SEC14L1: variants seen among roughly 807,000 people sequenced by gnomAD.
The protein encoded by SEC14L1 is SEC14-like protein 1.
In SEC14L1, 48 loss-of-function variants were observed where a neutral mutation model predicts 85.3. The ratio of observed to expected loss-of-function variants is 0.56; its 90% confidence interval spans 0.45 to 0.72. SEC14L1 has a LOEUF of 0.72. SEC14L1 is among the 30% of genes least tolerant of loss of function. The pLI is 0.00. For missense variants in SEC14L1, 682 were observed against 921.4 expected (o/e 0.74, Z 3.36); for synonymous variants, 391 against 355.5 (o/e 1.10, Z -1.12).
intron 3 of SEC14L1, among the ~76,000 whole-genome samples, chr17:77,167,035 C>G (rs1974312258): frequency 6.6e-6 from 1 of 152,126 alleles, no homozygotes; most frequent in Admixed American, 6.5e-5. Flanking sequence ...TTCATGTGTC[C>G]TCAGCCCTGT....
chr17:77,171,525 A>G (rs62078333), intron 3 of SEC14L1, among the ~76,000 whole-genome samples: 22,108 of 152,134 alleles, frequency 0.15, 1,961 homozygotes, highest in Middle Eastern at 0.21. Flanking sequence ...AACAACAGCT[A>G]TTTGTTCTGG....
chr17:77,183,708 G>A (rs145656282), intron 3 of SEC14L1, among the ~76,000 whole-genome samples: 2,275 of 152,306 alleles, frequency 0.015, 32 homozygotes, highest in Admixed American at 0.028. Flanking sequence ...TTCCCCAGAT[G>A]TTTCGATAGC....
intron 9 of SEC14L1, among the ~76,000 whole-genome samples, chr17:77,202,936 T>TAAAAAAAAA (rs11349959): frequency 6.0e-5 from 8 of 133,962 alleles, no homozygotes; most frequent in African/African-American, 1.7e-4. Context: ...AATAAAAAAA[T>TAAAAAAAAA]AAAAAAAAAA....
In SEC14L1 at chr17:77,193,440, A is replaced by T; in HGVS notation, c.365A>T (p.Asp122Val). The T allele has an allele frequency of 6.2e-7, 1 of 1,606,536 alleles. No homozygotes were observed. Among genetic ancestry groups the T allele is most frequent in the Non-Finnish European group, 8.5e-7 (1 of 1,174,634 alleles). Residue 122 changes from aspartate to valine, a missense_variant, in exon 6 of 17, where the codon GAT becomes GTT. Physicochemically the swap from Asp to Val is radical, Grantham distance 152. This residue lies in a region of SEC14L1 where 139 missense variants were observed against 201.3 expected (regional missense o/e 0.69). Coordinates refer to ENST00000436233, the MANE Select transcript of SEC14L1 (RefSeq NM_001143998.2). ...CCYTVHPENE[D>V]WTCFEQSASL... ...CTGCAGGTTCACCCTGAAAATGAAG[A>T]TTGGACCTGTTTTGAACAGTCTGCA...
At chr17:77,209,554 C>G in intron 14 of SEC14L1, 78 bp downstream of exon 14, 2 of 1,504,158 alleles carry the variant, frequency 1.3e-6, no homozygotes, top group Non-Finnish European at 1.8e-6. Flanking sequence ...TTCCTGGCAG[C>G]CTTTCATTCA....
intron 3 of SEC14L1, among the ~76,000 whole-genome samples, chr17:77,160,432 T>C (rs193006936): frequency 5.3e-5 from 8 of 152,350 alleles, no homozygotes; most frequent in Non-Finnish European, 7.3e-5. Context: ...AGATTAGGAA[T>C]GGTTTTTGAA....
chr17:77,132,226 ATTTT>A (rs1333203539), intron 3 of SEC14L1, among the ~76,000 whole-genome samples: 5 of 133,374 alleles, frequency 3.7e-5, no homozygotes, highest in Admixed American at 7.6e-5. Context: ...TCTGCATGGA[ATTTT>A]TTTTTTTTTT....
In SEC14L1 at chr17:77,206,760, G is replaced by A. The variant is rs777566344; in HGVS notation, c.1374G>A (p.Arg458=). The change falls in exon 13 of 17, where the codon AGG becomes AGA. Residue 458 remains arginine (R), a synonymous_variant. Transcript: ENST00000436233. The surrounding 1 kb of genome is among the most constrained non-coding windows in gnomAD (Gnocchi z 4.3). Reference sequence around the variant, plus strand: ...CGTTCATTGATGACAACACCAGAAGGAAGTTCCTCATTTATGCAGGAAATG... The same window carrying A: ...CGTTCATTGATGACAACACCAGAAGAAAGTTCCTCATTTATGCAGGAAATG... ...VSPFIDDNTR[R]KFLIYAGNDY... is the part of the protein sequence containing the mutation. 5 of 1,612,262 alleles carry A rather than the reference G, an allele frequency of 3.1e-6. No individual in the cohort carries two copies. The highest frequency in any genetic ancestry group is 3.3e-4 in the Middle Eastern group (2 of 6,056).
intron 9 of SEC14L1, among the ~76,000 whole-genome samples, chr17:77,201,350 G>A (rs1311785038): frequency 3.9e-5 from 6 of 152,116 alleles, no homozygotes; most frequent in Non-Finnish European, 8.8e-5. Context: ...TTTACCCTCT[G>A]AACAAGTCCT....
At chr17:77,095,228 G>A (rs1465796208) in intron 3 of SEC14L1, among the ~76,000 whole-genome samples, 1 of 152,192 alleles carries the variant, frequency 6.6e-6, no homozygotes, top group Non-Finnish European at 1.5e-5. Context: ...GGACAGAGCT[G>A]TTGATACTTA....
chr17:77,140,700 G>A (rs1214554984), upstream of SEC14L1: 1 of 149,394 alleles, frequency 6.7e-6, no homozygotes, highest in Non-Finnish European at 1.5e-5. Flanking sequence ...CGCAAAACTG[G>A]GAGGGGCCAC....
In SEC14L1 at chr17:77,215,482, T is replaced by A. The variant is rs751709056; in HGVS notation, c.*1459T>A. 169 of 985,582 alleles carry A rather than the reference T, an allele frequency of 1.7e-4. No homozygotes were observed. The highest frequency in any genetic ancestry group is 3.2e-4 in the African/African-American group (18 of 57,126). 61.1% of individuals were successfully genotyped at this position (985,582 alleles called of 1,614,324 possible). ...CGCTCTGAAGGCACTGTGTGGGTGC[T>A]GCGTGACTGGAGAGCTGTGTGGAGG... On this transcript the variant is annotated 3_prime_UTR_variant, in exon 17 of 17. Coordinates refer to ENST00000436233, the MANE Select transcript of SEC14L1 (RefSeq NM_001143998.2).
chr17:77,215,004 GGTGGCGT>G lies in SEC14L1; in HGVS notation c.*987_*993del. The G allele has an allele frequency of 1.0e-6, 1 of 985,456 alleles. No homozygotes were observed. The highest frequency in any genetic ancestry group is 1.2e-6 in the Non-Finnish European group (1 of 830,028). 61.0% of individuals were successfully genotyped at this position (985,456 alleles called of 1,614,324 possible). On this transcript the variant is annotated 3_prime_UTR_variant, in exon 17 of 17. Transcript: ENST00000436233. ...GCAGCAGCTCTCGCATCCACTTCAG[GGTGGCGT>G]GTGGCATGTAGGAGTCCTGCTTCTT...
At chr17:77,139,453 T>C (rs1298586241), upstream of SEC14L1, among the ~76,000 whole-genome samples, 1 of 151,402 alleles carries the variant, frequency 6.6e-6, no homozygotes, top group East Asian at 2.0e-4. Flanking sequence ...ATTACAGGCG[T>C]GAGCCACCGC....
chr17:77,136,667 T>C (rs1972809126), upstream of SEC14L1, among the ~76,000 whole-genome samples: 2 of 152,178 alleles, frequency 1.3e-5, no homozygotes, highest in Non-Finnish European at 2.9e-5. Context: ...CACGTGTTTG[T>C]ACATGCATAT....
chr17:77,195,991 G>T (rs1975790927), intron 7 of SEC14L1, among the ~76,000 whole-genome samples: 1 of 152,188 alleles, frequency 6.6e-6, no homozygotes, highest in South Asian at 2.1e-4. Context: ...AGATAATTGA[G>T]TCAGAAAGTG....
chr17:77,193,130 C>T (rs368808690), intron 5 of SEC14L1, among the ~76,000 whole-genome samples: 9 of 152,180 alleles, frequency 5.9e-5, no homozygotes, highest in African/African-American at 2.2e-4. Context: ...GAAGACTGTT[C>T]AGTGAGTATG....
chr17:77,147,545 C>G (rs1200116836), intron 3 of SEC14L1, among the ~76,000 whole-genome samples: 1 of 152,058 alleles, frequency 6.6e-6, no homozygotes, highest in African/African-American at 2.4e-5. Context: ...CTAGCTCAAC[C>G]CTCCCTTGGA....
chr17:77,128,437 T>G (rs1487473385), intron 3 of SEC14L1, among the ~76,000 whole-genome samples: 2 of 94,650 alleles, frequency 2.1e-5, no homozygotes, highest in East Asian at 2.1e-4. Flanking sequence ...TTTATTTTAT[T>G]TTATTTTATT....
Sources: gnomAD v4.1 joint callset for allele counts (sites outside exome capture counted in the v4.1 genomes callset) on GRCh38, gnomAD v4.1.1 for gene constraint, gnomAD v4.1.1 regional missense constraint, Gnocchi (gnomAD v3.1) non-coding constraint, MANE v1.5 for transcripts, NCBI Gene and HGNC (gene_info 2026-07-23, HGNC 2026-07-21) for gene names.